NCOR2: variants seen among roughly 807,000 people sequenced by gnomAD.
NCOR2 encodes CTG repeat protein 26.
NCOR2 carries 81 observed loss-of-function variants against 262.9 expected under a neutral mutation model. The observed-to-expected ratio is 0.31, with a 90% CI of 0.26 to 0.37. The LOEUF (loss-of-function observed/expected upper bound fraction) is 0.37. NCOR2 is among the 10% of genes least tolerant of loss of function. The pLI, the probability that NCOR2 is intolerant of heterozygous loss-of-function variation, is 1.00. For synonymous variants in NCOR2, 1,659 were observed against 1,559.3 expected (o/e 1.06, Z -1.51); for missense variants, 3,385 against 3,621.4 (o/e 0.93, Z 1.68).
At chr12:124,431,475 GAC>G (rs377327366) in intron 8 of NCOR2, among the ~76,000 whole-genome samples, 11 of 141,752 alleles carry the variant, frequency 7.8e-5, no homozygotes, top group African/African-American at 1.6e-4. Flanking sequence ...TACACAGAGA[GAC>G]ACACACACAC....
chr12:124,335,839 A>G, intron 38 of NCOR2: 2 of 587,298 alleles, frequency 3.4e-6, no homozygotes, highest in Non-Finnish European at 6.0e-6. Flanking sequence ...AGAGAGATGC[A>G]GAGCCCGGGA....
chr12:124,354,511 C>A (rs754019236), exon 26 of NCOR2: 8 of 1,590,374 alleles, frequency 5.0e-6, no homozygotes, highest in African/African-American at 1.3e-5. Context: ...GCTGTGGGCA[C>A]CCCCAGGCTC....
chr12:124,408,756 A>G (rs970346135), intron 13 of NCOR2, among the ~76,000 whole-genome samples: 2 of 152,224 alleles, frequency 1.3e-5, no homozygotes, highest in Non-Finnish European at 2.9e-5. Flanking sequence ...CTCTAAAAAA[A>G]TAATAAATTT....
chr12:124,508,663 G>A (rs186214640), intron 1 of NCOR2, among the ~76,000 whole-genome samples: 2 of 152,304 alleles, frequency 1.3e-5, no homozygotes, highest in African/African-American at 2.4e-5. Context: ...TCCACGTGGG[G>A]CAGGGGGTCC....
intron 4 of NCOR2, among the ~76,000 whole-genome samples, chr12:124,470,292 A>G (rs187722756): frequency 2.2e-4 from 33 of 152,342 alleles, no homozygotes; most frequent in Middle Eastern, 6.8e-3. Flanking sequence ...CAGCCTGGAA[A>G]GTCATCAGCA....
rs112918049 is a variant in NCOR2 at position 124,334,618 on chromosome 12, C to A, written c.6412-1G>T. The A allele has an allele frequency of 7.2e-7, 1 of 1,379,950 alleles. No individual in the cohort carries two copies. The highest frequency in any genetic ancestry group is 2.7e-5 in the East Asian group (1 of 36,958). 85.5% of individuals were successfully genotyped at this position (1,379,950 alleles called of 1,614,324 possible). A position where few individuals can be genotyped will look rare whatever the true frequency, so the allele number is the denominator to read the frequency against. On this transcript the variant is annotated splice_acceptor_variant, in intron 40 of 46. Transcript: ENST00000405201. LOFTEE classifies it high-confidence loss of function. ...GGGTGTAGTCCTGTGTGATGACCTC[C>A]TGCAGGCAAGTGGGGGGGCCCAGAG...
exon 38 of NCOR2, chr12:124,336,878 T>C (rs1566359430): frequency 6.2e-7 from 1 of 1,609,494 alleles, no homozygotes; most frequent in East Asian, 2.2e-5. Flanking sequence ...TGCGAGGTTC[T>C]TCGCAGGGGT....
At chr12:124,564,355 T>C (rs1458106169) in intron 1 of NCOR2, among the ~76,000 whole-genome samples, 1 of 152,108 alleles carries the variant, frequency 6.6e-6, no homozygotes, top group Non-Finnish European at 1.5e-5. Context: ...GGGGCCCTCC[T>C]TGCCCCTCCC....
At chr12:124,352,923 C>T (rs1440636767) in intron 27 of NCOR2, among the ~76,000 whole-genome samples, 2 of 152,234 alleles carry the variant, frequency 1.3e-5, no homozygotes, top group Non-Finnish European at 2.9e-5. Context: ...TCCTTGACCT[C>T]CCTTGCCAGC....
exon 31 of NCOR2, chr12:124,346,638 G>A (rs1212874179): frequency 6.3e-7 from 1 of 1,594,208 alleles, no homozygotes; most frequent in Non-Finnish European, 8.5e-7. Context: ...TCCTCGCGCG[G>A]GATCTCATGG....
chr12:124,561,606 C>T (rs556740388), intron 1 of NCOR2, among the ~76,000 whole-genome samples: 3 of 152,212 alleles, frequency 2.0e-5, no homozygotes, highest in Admixed American at 6.5e-5. Flanking sequence ...GGGAGACAGA[C>T]GGCAGGGAGA....
chr12:124,495,948 G>A (rs2048355140), upstream of NCOR2, among the ~76,000 whole-genome samples: 1 of 152,104 alleles, frequency 6.6e-6, no homozygotes, highest in Non-Finnish European at 1.5e-5. The surrounding 1 kb of genome is among the most constrained non-coding windows in gnomAD (Gnocchi z 4.4). Flanking sequence ...AAACTAGGAG[G>A]TGGGATTAGG....
intron 3 of NCOR2, among the ~76,000 whole-genome samples, chr12:124,479,535 A>C (rs914708372): frequency 1.3e-5 from 2 of 151,736 alleles, no homozygotes; most frequent in African/African-American, 4.8e-5. Context: ...ACGCACACAC[A>C]CACCCGCACC....
chr12:124,564,986 C>T (rs2052187790), intron 1 of NCOR2, among the ~76,000 whole-genome samples: 1 of 136,402 alleles, frequency 7.3e-6, no homozygotes, highest in Admixed American at 8.5e-5. Flanking sequence ...TTCGTGTTTG[C>T]AGAGCTCTGG....
Position 124,440,284 on chromosome 12 carries a change from A to C in NCOR2, c.816-2288T>G, listed in dbSNP as rs2044733912. 6.6e-6 allele frequency among the ~76,000 whole-genome samples: 1 copy of C among 152,240 alleles called. No homozygotes were observed. The highest frequency in any genetic ancestry group is 6.5e-5 in the Admixed American group (1 of 15,286). On this transcript the variant is annotated intron_variant, in intron 7 of 46. Transcript: ENST00000405201. This position sits in a 1 kb window ranked among gnomAD's most constrained non-coding sequence, Gnocchi z 5.7. ...CCGGGACCCCAGCCCCATTGGAAAC[A>C]GGAAAAGGAGGGAACCCCAGGCTCT...
chr12:124,508,609 G>T (rs1221821906), intron 1 of NCOR2, among the ~76,000 whole-genome samples: 1 of 152,204 alleles, frequency 6.6e-6, no homozygotes, highest in Admixed American at 6.5e-5. Flanking sequence ...CCAGGAATGT[G>T]GCCCCCAAAC....
At chr12:124,332,055 T>A (rs2035246381) in intron 43 of NCOR2, 3 of 466,990 alleles carry the variant, frequency 6.4e-6, no homozygotes, top group Non-Finnish European at 1.2e-5. Flanking sequence ...CCAGTATTCA[T>A]GCAGGTATTC....
chr12:124,358,880 C>T (rs2038248101), intron 22 of NCOR2, among the ~76,000 whole-genome samples: 1 of 152,246 alleles, frequency 6.6e-6, no homozygotes, highest in Non-Finnish European at 1.5e-5. Flanking sequence ...AACTGACTGA[C>T]TGTCCCCATT....
chr12:124,360,088 T>C (rs1404519714), intron 22 of NCOR2, among the ~76,000 whole-genome samples: 2 of 152,344 alleles, frequency 1.3e-5, no homozygotes, highest in East Asian at 3.9e-4. Context: ...GCCTGCGACC[T>C]GGCTCAGCAG....
Sources: allele counts gnomAD v4.1 joint callset (sites outside exome capture counted in the v4.1 genomes callset), GRCh38; gene constraint gnomAD v4.1.1; non-coding constraint Gnocchi (gnomAD v3.1); transcripts MANE v1.5; gene names NCBI Gene and HGNC (gene_info 2026-07-23, HGNC 2026-07-21).